Variants in HS3ST3A1 observed in about 807,000 individuals in gnomAD.
The protein encoded by HS3ST3A1 is heparan sulfate glucosamine 3-O-sulfotransferase 3A1.
Under a neutral mutation model 25.7 loss-of-function variants are expected in HS3ST3A1, and 19 were observed. The ratio of observed to expected loss-of-function variants is 0.74; its 90% CI spans 0.52 to 1.08. HS3ST3A1 has a LOEUF of 1.08. Among genes scored for constraint, HS3ST3A1 ranks in the 50% least tolerant of loss-of-function variants. The pLI, the probability that HS3ST3A1 is intolerant of heterozygous loss-of-function variation, is 0.00. For synonymous variants in HS3ST3A1, 226 were observed against 278.6 expected, an observed-to-expected ratio of 0.81 and a Z score of 1.88; for missense variants, 459 against 594.3, an observed-to-expected ratio of 0.77 and a Z score of 2.37.
chr17:13,548,248 C>T lies in HS3ST3A1; in HGVS notation c.600-51430G>A, dbSNP rs1907141358. On this transcript the variant is annotated intron_variant, in intron 1 of 1. Coordinates refer to ENST00000284110, the MANE Select transcript of HS3ST3A1 (RefSeq NM_006042.3). ...AAGATCAAGGTGTAGGCAGATTCAG[C>T]ATCTAGTGAGGGCTCTCTCCCTGCT... 3.3e-5 allele frequency among the ~76,000 whole-genome samples: 5 copies of T among 152,264 alleles called. No individual in the cohort carries two copies. In the South Asian group the frequency reaches 1.0e-3, roughly 32 times the overall value.
At chr17:13,566,317 GAC>G (rs1305800761) in intron 1 of HS3ST3A1, among the ~76,000 whole-genome samples, 1 of 152,118 alleles carries the variant, frequency 6.6e-6, no homozygotes, top group African/African-American at 2.4e-5. Context: ...GCCCATAGAA[GAC>G]AAGGAATTTT....
At chr17:13,516,082 G>A (rs1001395756) in intron 1 of HS3ST3A1, among the ~76,000 whole-genome samples, 5 of 152,042 alleles carry the variant, frequency 3.3e-5, no homozygotes, top group Admixed American at 1.3e-4. Context: ...AGGCCGAAGC[G>A]GGCGAATCAC....
At chr17:13,543,173 A>C (rs557303802) in intron 1 of HS3ST3A1, among the ~76,000 whole-genome samples, 1 of 152,292 alleles carries the variant, frequency 6.6e-6, no homozygotes, top group South Asian at 2.1e-4. Context: ...AAACAAATCT[A>C]ATGAAGCGTT....
intron 1 of HS3ST3A1, among the ~76,000 whole-genome samples, chr17:13,534,299 C>A (rs1331763216): frequency 3.9e-5 from 6 of 152,048 alleles, no homozygotes; most frequent in African/African-American, 1.4e-4. Context: ...AAACACACTC[C>A]TTGAAGATAG....
At chr17:13,560,882 AG>A (rs1384335888) in intron 1 of HS3ST3A1, among the ~76,000 whole-genome samples, 1 of 152,192 alleles carries the variant, frequency 6.6e-6, no homozygotes, top group Non-Finnish European at 1.5e-5. Context: ...TACAGAAGGA[AG>A]GTTGGTAAAA....
intron 1 of HS3ST3A1, among the ~76,000 whole-genome samples, chr17:13,574,148 T>C (rs1224997836): frequency 6.6e-6 from 1 of 150,526 alleles, no homozygotes. Flanking sequence ...TTTTTTTTTT[T>C]TTTGAGATGG....
intron 1 of HS3ST3A1, among the ~76,000 whole-genome samples, chr17:13,527,946 C>T (rs987777923): frequency 5.9e-5 from 9 of 152,160 alleles, no homozygotes; most frequent in Non-Finnish European, 1.2e-4. Context: ...CACGATATCA[C>T]TAATAATGTT....
At chr17:13,570,953 G>A (rs1907790657) in intron 1 of HS3ST3A1, among the ~76,000 whole-genome samples, 1 of 152,176 alleles carries the variant, frequency 6.6e-6, no homozygotes, top group Non-Finnish European at 1.5e-5. Flanking sequence ...TGAGACGCAG[G>A]CATTTGGCAA....
rs565602209 is a variant in HS3ST3A1, at chr17:13,571,151, A to T, written c.599+29380T>A. Among the ~76,000 whole-genome samples the T allele has an allele frequency of 3.3e-5, 5 of 152,328 alleles. No homozygotes were observed. The South Asian group carries it at 8.3e-4, about 25-fold the overall frequency. On this transcript the variant is annotated intron_variant, in intron 1 of 1. Coordinates refer to ENST00000284110, the MANE Select transcript of HS3ST3A1 (RefSeq NM_006042.3). ...AGGAAGGGGGCTTTGCAAAGCTGTG[A>T]TTATGAATCTAATCAGTGTATGGCC... is the stretch of plus-strand genomic sequence containing the variant.
At chr17:13,507,948 G>A (rs1598408635) in intron 1 of HS3ST3A1, among the ~76,000 whole-genome samples, 1 of 152,220 alleles carries the variant, frequency 6.6e-6, no homozygotes, top group Non-Finnish European at 1.5e-5. Context: ...TTTTCCTGCT[G>A]TTGTTATGTG....
At chr17:13,520,678 A>G (rs1162293357) in intron 1 of HS3ST3A1, among the ~76,000 whole-genome samples, 2 of 151,692 alleles carry the variant, frequency 1.3e-5, no homozygotes, top group Admixed American at 1.3e-4. Flanking sequence ...GCAATGGCAC[A>G]ATCTCGACTC....
At chr17:13,499,137 T>C (rs1598405627) in intron 1 of HS3ST3A1, among the ~76,000 whole-genome samples, 1 of 152,174 alleles carries the variant, frequency 6.6e-6, no homozygotes, top group Non-Finnish European at 1.5e-5. Flanking sequence ...TAAGAGTACG[T>C]GAACACCAGA....
chr17:13,499,518 A>T (rs554457855), intron 1 of HS3ST3A1, among the ~76,000 whole-genome samples: 1 of 149,360 alleles, frequency 6.7e-6, no homozygotes, highest in East Asian at 2.0e-4. Flanking sequence ...TAACTACTTT[A>T]TTTCAAATTT....
At chr17:13,504,416 GT>G (rs1330913047) in intron 1 of HS3ST3A1, among the ~76,000 whole-genome samples, 1 of 152,142 alleles carries the variant, frequency 6.6e-6, no homozygotes, top group African/African-American at 2.4e-5. Context: ...TATAAAAAAT[GT>G]TCTTAAACAG....
intron 1 of HS3ST3A1, among the ~76,000 whole-genome samples, chr17:13,581,959 A>G (rs906289906): frequency 2.0e-5 from 3 of 152,216 alleles, no homozygotes; most frequent in Non-Finnish European, 4.4e-5. Context: ...ACACAGACTC[A>G]TACTTTTTTC....
intron 1 of HS3ST3A1, among the ~76,000 whole-genome samples, chr17:13,528,021 T>C (rs1230273054): frequency 1.3e-5 from 2 of 152,126 alleles, no homozygotes; most frequent in Non-Finnish European, 2.9e-5. Flanking sequence ...CAGTGCCTCC[T>C]GGGGTGGCCA....
chr17:13,505,718 C>T (rs935651291), intron 1 of HS3ST3A1, among the ~76,000 whole-genome samples: 1 of 151,834 alleles, frequency 6.6e-6, no homozygotes, highest in Middle Eastern at 3.4e-3. Flanking sequence ...AAGTGGTGCC[C>T]TCTCCCCATT....
chr17:13,553,736 C>T (rs1907300820), intron 1 of HS3ST3A1, among the ~76,000 whole-genome samples: 1 of 152,152 alleles, frequency 6.6e-6, no homozygotes, highest in Non-Finnish European at 1.5e-5. Flanking sequence ...TCTTTCTAGA[C>T]ATGTGAAATA....
intron 1 of HS3ST3A1, among the ~76,000 whole-genome samples, chr17:13,550,956 A>G (rs1015767962): frequency 1.7e-4 from 25 of 151,414 alleles, no homozygotes; most frequent in African/African-American, 5.6e-4. Context: ...AGCCCCAGCT[A>G]CTGGGGAGGC....
Sources: gnomAD v4.1 joint callset for allele counts (sites outside exome capture counted in the v4.1 genomes callset) on GRCh38, gnomAD v4.1.1 for gene constraint, MANE v1.5 for transcripts, NCBI Gene and HGNC (gene_info 2026-07-23, HGNC 2026-07-21) for gene names.